SH3GL2: variants seen among roughly 807,000 people sequenced by gnomAD.
SH3GL2 encodes endophilin-A1.
Under a neutral mutation model 46.0 loss-of-function variants are expected in SH3GL2, and 24 were observed. The ratio of observed to expected loss-of-function variants is 0.52; its 90% CI spans 0.38 to 0.73. SH3GL2 has a LOEUF of 0.73. Among genes scored for constraint, SH3GL2 ranks in the 30% least tolerant of loss-of-function variants. SH3GL2 has a pLI of 0.00. For synonymous variants in SH3GL2, 196 were observed against 147.1 expected (o/e 1.33, Z -2.40); for missense variants, 413 against 424.2 (o/e 0.97, Z 0.23).
At chr9:17,664,776 C>G (rs74733680) in intron 1 of SH3GL2, among the ~76,000 whole-genome samples, 1 of 151,606 alleles carries the variant, frequency 6.6e-6, no homozygotes, top group Non-Finnish European at 1.5e-5. Flanking sequence ...CAGCCACTTT[C>G]ATGTATAATC....
chr9:17,627,015 C>G (rs866719407), intron 1 of SH3GL2, among the ~76,000 whole-genome samples: 2 of 152,150 alleles, frequency 1.3e-5, no homozygotes, highest in Admixed American at 1.3e-4. Flanking sequence ...TGGTCGTGTG[C>G]TGGATGTACC....
intron 1 of SH3GL2, among the ~76,000 whole-genome samples, chr9:17,663,163 C>T (rs1016907364): frequency 6.6e-6 from 1 of 152,140 alleles, no homozygotes; most frequent in Non-Finnish European, 1.5e-5. Flanking sequence ...TCTAGAGTAA[C>T]TCATCAAGTT....
rs76142357 is a variant in SH3GL2 at position 17,627,345 on chromosome 9, T to A, written c.45+48058T>A. ...AGCTAGCTTGATCGTTGGGGAATAA[T>A]GGCAGAGCTCTCAGAAGGTGCTGGA... On this transcript the variant is annotated intron_variant, in intron 1 of 8. Coordinates refer to ENST00000380607, the MANE Select transcript of SH3GL2 (RefSeq NM_003026.5). Among the ~76,000 whole-genome samples, 1,161 of 152,240 alleles carry A rather than the reference T, an allele frequency of 7.6e-3. 18 individuals carry two copies. The highest frequency in any genetic ancestry group is 0.026 in the African/African-American group (1,097 of 41,540).
At chr9:17,730,616 T>G (rs1307549328) in intron 1 of SH3GL2, among the ~76,000 whole-genome samples, 1 of 152,134 alleles carries the variant, frequency 6.6e-6, no homozygotes, top group Non-Finnish European at 1.5e-5. Context: ...TAGCTCTTAT[T>G]ATTTTGAGAT....
intron 1 of SH3GL2, among the ~76,000 whole-genome samples, chr9:17,696,860 G>C (rs998429726): frequency 6.6e-6 from 1 of 152,098 alleles, no homozygotes; most frequent in Non-Finnish European, 1.5e-5. Flanking sequence ...AACCAAAATT[G>C]CTCTCCACAT....
chr9:17,706,989 A>G (rs1273800129), intron 1 of SH3GL2, among the ~76,000 whole-genome samples: 3 of 152,046 alleles, frequency 2.0e-5, no homozygotes, highest in Non-Finnish European at 4.4e-5. Flanking sequence ...CAATTTGTAT[A>G]TATATATGCA....
intron 3 of SH3GL2, among the ~76,000 whole-genome samples, chr9:17,786,002 G>C (rs1390729200): frequency 6.6e-6 from 1 of 152,102 alleles, no homozygotes; most frequent in African/African-American, 2.4e-5. Context: ...AAAATTTAGA[G>C]ATCATCACAT....
chr9:17,738,516 GTGTGTGTA>G (rs1822410669), intron 1 of SH3GL2, among the ~76,000 whole-genome samples: 1 of 119,502 alleles, frequency 8.4e-6, no homozygotes, highest in Admixed American at 8.2e-5. Flanking sequence ...ATATACATAT[GTGTGTGTA>G]TATACATACA....
intron 1 of SH3GL2, among the ~76,000 whole-genome samples, chr9:17,686,736 C>A (rs1294358659): frequency 7.3e-6 from 1 of 136,672 alleles, no homozygotes; most frequent in African/African-American, 2.8e-5. Context: ...GGGAATTGAA[C>A]AGTGAAATCA....
intron 1 of SH3GL2, among the ~76,000 whole-genome samples, chr9:17,743,600 A>ACACACC (rs1554645782): frequency 3.4e-5 from 5 of 146,158 alleles, no homozygotes; most frequent in African/African-American, 1.0e-4. Context: ...ACACACACAC[A>ACACACC]CCCCAAATAG....
intron 3 of SH3GL2, among the ~76,000 whole-genome samples, chr9:17,775,212 T>G (rs894827358): frequency 6.6e-6 from 1 of 152,218 alleles, no homozygotes; most frequent in Non-Finnish European, 1.5e-5. Flanking sequence ...TTGTCAATTT[T>G]GTTGATCTTT....
chr9:17,702,520 C>A (rs1588255627), intron 1 of SH3GL2, among the ~76,000 whole-genome samples: 1 of 151,942 alleles, frequency 6.6e-6, no homozygotes, highest in Non-Finnish European at 1.5e-5. Flanking sequence ...CATAGTGAAC[C>A]CTCTTGTTTC....
At chr9:17,650,338 G>T (rs1360887797) in intron 1 of SH3GL2, among the ~76,000 whole-genome samples, 1 of 152,104 alleles carries the variant, frequency 6.6e-6, no homozygotes, top group Admixed American at 6.5e-5. Flanking sequence ...ATTGGTTGAA[G>T]ATTATTTGAG....
intron 2 of SH3GL2, among the ~76,000 whole-genome samples, chr9:17,747,608 C>T (rs1822729588): frequency 6.6e-6 from 1 of 152,124 alleles, no homozygotes; most frequent in Non-Finnish European, 1.5e-5. Context: ...CCCAAACTCC[C>T]CTTCCTGCCA....
chr9:17,667,174 C>A (rs1820364714), intron 1 of SH3GL2, among the ~76,000 whole-genome samples: 1 of 151,996 alleles, frequency 6.6e-6, no homozygotes. Context: ...GCAGCAAATA[C>A]TTTTTTCTAG....
chr9:17,723,458 A>G (rs886295584), intron 1 of SH3GL2, among the ~76,000 whole-genome samples: 4 of 152,146 alleles, frequency 2.6e-5, no homozygotes, highest in Non-Finnish European at 5.9e-5. Context: ...TCTTTCATAT[A>G]TGAACCTAAA....
In SH3GL2 at chr9:17,699,160, A is replaced by G. The variant is rs1368731656; in HGVS notation, c.46-47906A>G. ...CAGAGTGAGACTCTGTCTCAAAAAA[A>G]AAAAAAAAAAAAAAAATCAAATACA... On this transcript the variant is annotated intron_variant, in intron 1 of 8. Transcript: ENST00000380607. Among the ~76,000 whole-genome samples, 13 of 151,304 alleles carry G rather than the reference A, an allele frequency of 8.6e-5. No individual in the cohort carries two copies. In the East Asian group the frequency reaches 2.1e-3, roughly 25 times the overall value.
chr9:17,732,735 C>A (rs928309777), intron 1 of SH3GL2, among the ~76,000 whole-genome samples: 4 of 152,070 alleles, frequency 2.6e-5, no homozygotes. Context: ...GACAGTAAAA[C>A]CTAATTGATT....
intron 1 of SH3GL2, among the ~76,000 whole-genome samples, chr9:17,703,378 T>G (rs1347763461): frequency 6.6e-6 from 1 of 152,004 alleles, no homozygotes; most frequent in Non-Finnish European, 1.5e-5. Flanking sequence ...TTAAAATTAG[T>G]GTGTTTAGAA....
Sources: gnomAD v4.1 joint callset for allele counts (sites outside exome capture counted in the v4.1 genomes callset) on GRCh38, gnomAD v4.1.1 for gene constraint, MANE v1.5 for transcripts, NCBI Gene and HGNC (gene_info 2026-07-23, HGNC 2026-07-21) for gene names.